Variants in TSPAN16 observed in about 807,000 individuals in gnomAD.
The protein encoded by TSPAN16 is tetraspanin 16.
Under a neutral mutation model 25.2 loss-of-function variants are expected in TSPAN16, and 23 were observed. That is an observed-to-expected ratio of 0.91 (90% CI 0.66 to 1.29). TSPAN16 has a LOEUF of 1.29. TSPAN16 is among the 50% of genes most tolerant of loss of function. TSPAN16 has a pLI of 0.00. For synonymous variants in TSPAN16, 123 were observed against 124.4 expected (o/e 0.99, Z 0.08); for missense variants, 272 against 299.9 (o/e 0.91, Z 0.69).
Position 11,299,067 on chromosome 19 carries a change from G to A in TSPAN16, c.342+121G>A. 5 of 975,738 alleles carry A rather than the reference G, an allele frequency of 5.1e-6. No homozygotes were observed. The South Asian group carries it at 7.2e-5, about 14-fold the overall frequency. The allele number at this position is 975,738 out of a possible 1,614,324, so 60.4% of individuals were successfully genotyped here. ...GGCTGAGTCTGGTGGATCACCTGAG[G>A]TCATGAGTTTGAGACCAGCCTGGCC... On this transcript the variant is annotated intron_variant, in intron 3 of 6. Transcript: ENST00000590327.
chr19:11,303,016 AG>A lies in TSPAN16; in HGVS notation c.450+1710del, dbSNP rs1159619524. Among the ~76,000 whole-genome samples, 42 of 149,778 alleles carry A rather than the reference AG, an allele frequency of 2.8e-4. 1 individual carries two copies. The highest frequency in any genetic ancestry group is 1.0e-3 in the African/African-American group (41 of 39,854). On this transcript the variant is annotated intron_variant, in intron 4 of 6. Coordinates refer to ENST00000590327, the MANE Select transcript of TSPAN16 (RefSeq NM_001282509.2). ...GCCCGGCCGCCCCTACTGGGAAGTG[AG>A]GAGCCCCTCTGCCCCGCCACCACCC...
chr19:11,303,730 C>T (rs887432974), intron 4 of TSPAN16, among the ~76,000 whole-genome samples: 13 of 151,234 alleles, frequency 8.6e-5, no homozygotes, highest in Non-Finnish European at 1.9e-4. Context: ...ATTTTCCATT[C>T]CCATCAGCAA....
At chr19:11,326,047 C>A (rs2080810824) in intron 6 of TSPAN16, among the ~76,000 whole-genome samples, 1 of 151,904 alleles carries the variant, frequency 6.6e-6, no homozygotes, top group African/African-American at 2.4e-5. Flanking sequence ...ATGGTGAAAC[C>A]CCATCTCTAC....
downstream of TSPAN16, among the ~76,000 whole-genome samples, chr19:11,318,037 A>T (rs368223525): frequency 7.3e-5 from 11 of 151,070 alleles, no homozygotes; most frequent in East Asian, 3.9e-4. Context: ...TATTATTATT[A>T]TTTTTTTGAG....
rs1335630109 is a variant in TSPAN16 at position 11,307,640 on chromosome 19, C to T, written c.603+884C>T. Among the ~76,000 whole-genome samples the T allele has an allele frequency of 2.0e-5, 3 of 151,620 alleles. No homozygotes were observed. In the East Asian group the frequency reaches 5.8e-4, roughly 29 times the overall value. On this transcript the variant is annotated intron_variant, in intron 5 of 6. Coordinates refer to ENST00000590327, the MANE Select transcript of TSPAN16 (RefSeq NM_001282509.2). ...ATGAGGCCTTAGTATGTTGCCCAGG[C>T]TGGTCTCGAACTCCTGGCCTCAAGC...
intron 6 of TSPAN16, among the ~76,000 whole-genome samples, chr19:11,326,094 C>G (rs1004813365): frequency 1.2e-4 from 18 of 151,856 alleles, no homozygotes; most frequent in Non-Finnish European, 1.2e-4. Context: ...TGGTGGCACG[C>G]GTCTGTAATC....
downstream of TSPAN16, chr19:11,316,118 G>GGT (rs2080747392): frequency 2.5e-4 from 27 of 106,206 alleles, no homozygotes; most frequent in African/African-American, 4.1e-4. Context: ...TGTGTGTGTG[G>GGT]TTTTTTTTTT....
downstream of TSPAN16, among the ~76,000 whole-genome samples, chr19:11,316,347 T>C (rs561452164): frequency 1.3e-5 from 2 of 152,196 alleles, no homozygotes; most frequent in Non-Finnish European, 2.9e-5. Context: ...CTTGAACTCC[T>C]GAGTTCAGGT....
chr19:11,297,906 T>G (rs531884346), intron 1 of TSPAN16, among the ~76,000 whole-genome samples: 46 of 152,028 alleles, frequency 3.0e-4, no homozygotes, highest in Non-Finnish European at 6.2e-4. Flanking sequence ...ATCCTCCCAC[T>G]GCAGACACCT....
chr19:11,321,412 C>T (rs947169673), intron 6 of TSPAN16: 3 of 152,090 alleles, frequency 2.0e-5, no homozygotes, highest in Non-Finnish European at 2.9e-5. Context: ...GGGGAACCGC[C>T]CCCAGGATTC....
At chr19:11,298,397 A>G in intron 2 of TSPAN16, 58 bp downstream of exon 2, 1 of 1,532,706 alleles carries the variant, frequency 6.5e-7, no homozygotes, top group Non-Finnish European at 8.9e-7. Flanking sequence ...CAAATCTTTT[A>G]TTGTGCGTGT....
intron 4 of TSPAN16, among the ~76,000 whole-genome samples, chr19:11,305,469 G>A (rs1250630710): frequency 6.6e-6 from 1 of 151,980 alleles, no homozygotes. Context: ...GGTGGAAGTT[G>A]CAGAGAGCCA....
intron 5 of TSPAN16, among the ~76,000 whole-genome samples, chr19:11,309,874 G>A (rs2080671279): frequency 6.6e-6 from 1 of 152,184 alleles, no homozygotes; most frequent in Admixed American, 6.6e-5. Flanking sequence ...GCCAAGGCAG[G>A]AGGATCACTT....
downstream of TSPAN16, among the ~76,000 whole-genome samples, chr19:11,318,022 T>TTTA (rs908770082): frequency 1.3e-5 from 2 of 151,680 alleles, no homozygotes; most frequent in Admixed American, 1.3e-4. Context: ...ATCCTGATCT[T>TTTA]TTATTATTAT....
At chr19:11,304,038 T>A (rs2080599313) in intron 4 of TSPAN16, among the ~76,000 whole-genome samples, 1 of 151,636 alleles carries the variant, frequency 6.6e-6, no homozygotes, top group Admixed American at 6.6e-5. Flanking sequence ...CACCTTGACT[T>A]CCCAAAGTGC....
intron 4 of TSPAN16, among the ~76,000 whole-genome samples, chr19:11,302,903 G>A (rs78564497): frequency 9.1e-6 from 1 of 110,362 alleles, no homozygotes; most frequent in African/African-American, 3.7e-5. Context: ...TTTTTTTTTT[G>A]TAGATATGGG....
At chr19:11,317,801 C>T (rs898906358), downstream of TSPAN16, among the ~76,000 whole-genome samples, 4 of 148,248 alleles carry the variant, frequency 2.7e-5, no homozygotes, top group African/African-American at 7.5e-5. Flanking sequence ...CCAGCCTGGG[C>T]GACAGAGCAA....
At chr19:11,323,819 T>G (rs2080795340) in intron 6 of TSPAN16, 1 of 152,088 alleles carries the variant, frequency 6.6e-6, no homozygotes, top group Admixed American at 6.6e-5. Context: ...CGTGGGAACA[T>G]AAAACATCCA....
At chr19:11,305,835 C>G (rs1464586021) in intron 4 of TSPAN16, among the ~76,000 whole-genome samples, 2 of 152,196 alleles carry the variant, frequency 1.3e-5, no homozygotes, top group Admixed American at 1.3e-4. Flanking sequence ...CACTGCACTT[C>G]AAATTCATTC....
Sources: allele counts gnomAD v4.1 joint callset (sites outside exome capture counted in the v4.1 genomes callset), GRCh38; gene constraint gnomAD v4.1.1; transcripts MANE v1.5; gene names NCBI Gene and HGNC (gene_info 2026-07-23, HGNC 2026-07-21).